The following GOLM2 variants were observed in gnomAD, a reference collection of about 807,000 sequenced individuals.
GOLM2 encodes protein GOLM2.
GOLM2 carries 26 observed loss-of-function variants against 55.9 expected under a neutral mutation model. That is an observed-to-expected ratio of 0.47 (90% CI 0.34 to 0.65). The LOEUF (loss-of-function observed/expected upper bound fraction) is 0.65, where lower values mean the gene tolerates loss of function less well. Among genes scored for constraint, GOLM2 ranks in the 30% least tolerant of loss-of-function variants. GOLM2 has a pLI of 0.01. For synonymous variants in GOLM2, 165 were observed against 194.6 expected (o/e 0.85, Z 1.27); for missense variants, 486 against 531.8 (o/e 0.91, Z 0.85).
At chr15:44,374,376 C>CGAT (rs2079350339) in intron 6 of GOLM2, among the ~76,000 whole-genome samples, 1 of 151,868 alleles carries the variant, frequency 6.6e-6, no homozygotes, top group Non-Finnish European at 1.5e-5. Context: ...AGGCCAGGCA[C>CGAT]GATGGTTCAC....
chr15:44,332,219 C>G (rs573559798), intron 4 of GOLM2, 141 bp downstream of exon 4: 12 of 542,020 alleles, frequency 2.2e-5, no homozygotes, highest in Non-Finnish European at 3.6e-5. Flanking sequence ...TTTACAATGG[C>G]TTTATTTCTG....
At chr15:44,304,162 C>G (rs544366305) in intron 1 of GOLM2, among the ~76,000 whole-genome samples, 2 of 151,596 alleles carry the variant, frequency 1.3e-5, no homozygotes, top group South Asian at 4.2e-4. Context: ...GCATAAACCA[C>G]CATGCCTGGC....
chr15:44,380,740 G>T (rs1447668120), intron 7 of GOLM2, 66 bp from the exon 8 acceptor site: 4 of 1,140,058 alleles, frequency 3.5e-6, no homozygotes, highest in Non-Finnish European at 4.6e-6. Context: ...AGCAGATCTT[G>T]TGAAATTCAT....
Position 44,326,187 on chromosome 15 carries a change from G to T in GOLM2, c.383-2498G>T, listed in dbSNP as rs550391621. 4.4e-3 allele frequency among the ~76,000 whole-genome samples: 670 copies of T among 151,500 alleles called. 3 individuals carry two copies. The highest frequency in any genetic ancestry group is 0.015 in the African/African-American group (639 of 41,282). On this transcript the variant is annotated intron_variant, in intron 2 of 9. Transcript: ENST00000299957. ...TGAGGCAGGAGAATCGCTTGAACCT[G>T]GGAGGCAGAGGTTACAGTGAGCTGA...
In GOLM2 at chr15:44,332,055, G is replaced by T; in HGVS notation, c.553G>T (p.Asp185Tyr). Residue 185 changes from aspartate (D) to tyrosine (Y), a missense_variant, in exon 4 of 10, where the codon GAC (aspartate) becomes TAC (tyrosine). By Grantham distance (160) the Asp-to-Tyr change is radical (BLOSUM62 -3). Coordinates refer to ENST00000299957, the MANE Select transcript of GOLM2 (RefSeq NM_138423.4). Reference protein sequence around the residue: ...QHEENIKKLADQFLEEQKQET... With the variant: ...QHEENIKKLAYQFLEEQKQET... The stretch of plus-strand genomic sequence containing the variant: ...TGAAGAAAATATTAAAAAGTTAGCA[G>T]ACCAGTTTTTAGAGGAACAAAAGGT... The T allele has an allele frequency of 1.3e-6, 2 of 1,593,570 alleles. No individual in the cohort carries two copies. The highest frequency in any genetic ancestry group is 2.3e-5 in the South Asian group (2 of 87,626).
intron 6 of GOLM2, among the ~76,000 whole-genome samples, chr15:44,351,629 A>T (rs1456032959): frequency 6.6e-6 from 1 of 151,670 alleles, no homozygotes; most frequent in African/African-American, 2.4e-5. Context: ...CAAAATCGGA[A>T]AGGAAGAAGT....
intron 6 of GOLM2, among the ~76,000 whole-genome samples, chr15:44,379,192 T>C (rs2141192646): frequency 6.6e-6 from 1 of 152,162 alleles, no homozygotes; most frequent in Admixed American, 6.5e-5. Flanking sequence ...AAATCTGTGA[T>C]GGGGCCGGGC....
chr15:44,318,392 G>A (rs1020076665), intron 1 of GOLM2, among the ~76,000 whole-genome samples: 1 of 152,176 alleles, frequency 6.6e-6, no homozygotes, highest in African/African-American at 2.4e-5. Flanking sequence ...TCTTCATGTT[G>A]CAGCCAGATT....
intron 6 of GOLM2, among the ~76,000 whole-genome samples, chr15:44,353,824 A>T (rs2079180380): frequency 6.6e-6 from 1 of 152,196 alleles, no homozygotes; most frequent in Non-Finnish European, 1.5e-5. Context: ...GGGGATGGTT[A>T]ATTGGTACAA....
At chr15:44,291,745 A>C (rs1367681217) in intron 1 of GOLM2, among the ~76,000 whole-genome samples, 1 of 151,834 alleles carries the variant, frequency 6.6e-6, no homozygotes, top group Non-Finnish European at 1.5e-5. Context: ...CTAGTAAGGG[A>C]CTCTGTTATT....
chr15:44,328,932 A>G, intron 3 of GOLM2, 145 bp downstream of exon 3: 2 of 534,144 alleles, frequency 3.7e-6, no homozygotes, highest in Non-Finnish European at 6.4e-6. Flanking sequence ...CTTTTCTATT[A>G]TCTTTCTTTA....
intron 1 of GOLM2, among the ~76,000 whole-genome samples, chr15:44,304,444 G>T (rs924270462): frequency 1.3e-5 from 2 of 150,964 alleles, no homozygotes; most frequent in Non-Finnish European, 3.0e-5. Context: ...GTTTCACCAG[G>T]TTGGCCAGGC....
chr15:44,310,260 T>C (rs981064255), intron 1 of GOLM2, among the ~76,000 whole-genome samples: 14 of 151,846 alleles, frequency 9.2e-5, no homozygotes, highest in African/African-American at 3.4e-4. Flanking sequence ...GCAGCATTAA[T>C]TACATGATGC....
intron 6 of GOLM2, among the ~76,000 whole-genome samples, chr15:44,348,334 C>T (rs1007118375): frequency 1.3e-5 from 2 of 150,476 alleles, no homozygotes; most frequent in African/African-American, 4.9e-5. Context: ...AAGGGTGAGT[C>T]CCAGGCCTGA....
chr15:44,379,414 G>A (rs1488259729), intron 6 of GOLM2, among the ~76,000 whole-genome samples: 1 of 152,028 alleles, frequency 6.6e-6, no homozygotes, highest in Admixed American at 6.5e-5. Context: ...GGAGGCAGAG[G>A]TTGCAGTGAG....
chr15:44,412,143 G>T (rs1322500903), intron 9 of GOLM2, among the ~76,000 whole-genome samples: 1 of 152,116 alleles, frequency 6.6e-6, no homozygotes, highest in Non-Finnish European at 1.5e-5. Context: ...CTTGAGCCTG[G>T]CCAACAGAGC....
intron 6 of GOLM2, among the ~76,000 whole-genome samples, chr15:44,350,878 A>G (rs1311926520): frequency 6.6e-6 from 1 of 152,226 alleles, no homozygotes; most frequent in African/African-American, 2.4e-5. Context: ...CAGAAACCAT[A>G]TGGTCATTTC....
chr15:44,366,296 C>CAAAAAAAAAAAA lies in GOLM2; in HGVS notation c.803-13387_803-13376dup, dbSNP rs34413737. Among the ~76,000 whole-genome samples, 129 of 55,496 alleles carry CAAAAAAAAAAAA rather than the reference C, an allele frequency of 2.3e-3. 1 individual carries two copies. The highest frequency in any genetic ancestry group is 8.5e-3 in the African/African-American group (125 of 14,644). 36.4% of individuals were successfully genotyped at this position (55,496 alleles called of 152,430 possible). ...TGGGCAACAGAGCGAGACTCCGTCTCAAAAAAAAAAAAAAAAAACAAAACA... is the reference window on the plus strand; with the variant it reads ...TGGGCAACAGAGCGAGACTCCGTCTCAAAAAAAAAAAAAAAAAAAAAAAAAAAAAACAAAACA... On this transcript the variant is annotated intron_variant, in intron 6 of 9. Coordinates refer to ENST00000299957, the MANE Select transcript of GOLM2 (RefSeq NM_138423.4).
chr15:44,361,746 A>G (rs1323363205), intron 6 of GOLM2, among the ~76,000 whole-genome samples: 1 of 152,318 alleles, frequency 6.6e-6, no homozygotes, highest in Non-Finnish European at 1.5e-5. Flanking sequence ...ACAACCAAAA[A>G]AGAGAATTTT....
Sources: allele counts gnomAD v4.1 joint callset (sites outside exome capture counted in the v4.1 genomes callset), GRCh38; gene constraint gnomAD v4.1.1; transcripts MANE v1.5; gene names NCBI Gene and HGNC (gene_info 2026-07-23, HGNC 2026-07-21).